EML4: variants seen among roughly 807,000 people sequenced by gnomAD.
EML4 encodes EMAP like 4, also known as echinoderm microtubule-associated protein-like 4.
EML4 carries 72 observed loss-of-function variants against 129.0 expected under a neutral mutation model. That is an observed-to-expected ratio of 0.56 (90% CI 0.46 to 0.68). The LOEUF is 0.68. Ranked by LOEUF, EML4 falls within the 30% of genes least tolerant of loss-of-function variation. The pLI, the probability that EML4 is intolerant of heterozygous loss-of-function variation, is 0.00. For missense variants in EML4, 1,363 were observed against 1,190.6 expected (o/e 1.14, Z -2.13); for synonymous variants, 532 against 405.0 (o/e 1.31, Z -3.77).
At position 42,293,398 on chromosome 2, in the gene EML4, G is replaced by A. The variant is rs553150999; in HGVS notation, c.1219-1727G>A. Among the ~76,000 whole-genome samples the A allele has an allele frequency of 2.8e-4, 43 of 152,272 alleles. 1 individual carries two copies. Among genetic ancestry groups the A allele is most frequent in the South Asian group, 6.2e-4 (3 of 4,830 alleles). On this transcript the variant is annotated intron_variant, in intron 11 of 22. Coordinates refer to ENST00000318522, the MANE Select transcript of EML4 (RefSeq NM_019063.5). ...TTACAGGCATAAGCCACAACACCTG[G>A]CCTAGATTAGATTTTATTAGTTGAA...
chr2:42,284,753 A>T (rs771686238), intron 9 of EML4, 50 bp downstream of exon 9: 1 of 1,363,608 alleles, frequency 7.3e-7, no homozygotes, highest in Non-Finnish European at 1.0e-6. Flanking sequence ...TTGCTGTTAG[A>T]GTGGAATCTA....
intron 6 of EML4, among the ~76,000 whole-genome samples, chr2:42,269,386 C>T (rs1666245384): frequency 6.6e-6 from 1 of 152,152 alleles, no homozygotes; most frequent in South Asian, 2.1e-4. Flanking sequence ...ACATTTTATA[C>T]ATTCATTCAT....
At chr2:42,324,271 G>T (rs1026307684) in intron 19 of EML4, among the ~76,000 whole-genome samples, 1 of 152,040 alleles carries the variant, frequency 6.6e-6, no homozygotes, top group African/African-American at 2.4e-5. Context: ...CTCCAGACTG[G>T]GCAACAGAGA....
chr2:42,209,415 C>T (rs1167081446), intron 1 of EML4, among the ~76,000 whole-genome samples: 1 of 152,128 alleles, frequency 6.6e-6, no homozygotes, highest in Admixed American at 6.5e-5. Context: ...TTAATCCTCA[C>T]AGCAGTCTTG....
At chr2:42,327,597 T>TG (rs1391780321) in intron 21 of EML4, among the ~76,000 whole-genome samples, 1 of 152,200 alleles carries the variant, frequency 6.6e-6, no homozygotes, top group Non-Finnish European at 1.5e-5. Context: ...GATAACTATG[T>TG]GGGGCTTCTT....
At chr2:42,271,706 A>G (rs1009346540) in intron 6 of EML4, among the ~76,000 whole-genome samples, 1 of 150,544 alleles carries the variant, frequency 6.6e-6, no homozygotes, top group East Asian at 1.9e-4. Context: ...TGCTATACAC[A>G]TACTTTTTAA....
chr2:42,223,574 C>T (rs951036989), intron 1 of EML4, among the ~76,000 whole-genome samples: 5 of 152,080 alleles, frequency 3.3e-5, no homozygotes, highest in Admixed American at 2.6e-4. Context: ...TCTTTCTTCT[C>T]CTTGCTTACA....
intron 13 of EML4, 150 bp from the exon 14 acceptor site, chr2:42,301,091 C>T (rs1228309279): frequency 8.2e-6 from 5 of 608,736 alleles, no homozygotes; most frequent in Admixed American, 7.5e-5. Context: ...ACCTGCTTTG[C>T]ACAAAAGACT....
At chr2:42,229,751 T>C (rs1281327781) in intron 1 of EML4, among the ~76,000 whole-genome samples, 1 of 152,088 alleles carries the variant, frequency 6.6e-6, no homozygotes, top group Non-Finnish European at 1.5e-5. Context: ...TCTAGAGTCT[T>C]GGTTGAGGCC....
chr2:42,179,635 C>T (rs1670812044), intron 1 of EML4, among the ~76,000 whole-genome samples: 1 of 152,192 alleles, frequency 6.6e-6, no homozygotes, highest in Admixed American at 6.5e-5. Flanking sequence ...TGGGGTCTCG[C>T]TCTGTCGCCC....
At chr2:42,236,972 TTAGA>T (rs1222961832) in intron 1 of EML4, among the ~76,000 whole-genome samples, 2 of 152,204 alleles carry the variant, frequency 1.3e-5, no homozygotes, top group Non-Finnish European at 2.9e-5. Flanking sequence ...TATGAGGTGT[TTAGA>T]AAGACTGGCA....
At chr2:42,268,692 C>G (rs1014852557) in intron 6 of EML4, among the ~76,000 whole-genome samples, 1 of 152,184 alleles carries the variant, frequency 6.6e-6, no homozygotes, top group African/African-American at 2.4e-5. Context: ...CCCATCTCTA[C>G]CTCCCAAAGC....
At chr2:42,263,051 T>C (rs1665832983) in intron 4 of EML4, 127 bp from the exon 5 acceptor site, 2 of 748,010 alleles carry the variant, frequency 2.7e-6, no homozygotes, top group Non-Finnish European at 4.3e-6. Flanking sequence ...GTCTTTCAAC[T>C]AATCCTTCTC....
intron 1 of EML4, among the ~76,000 whole-genome samples, chr2:42,197,829 C>T (rs1199374344): frequency 6.6e-6 from 1 of 152,138 alleles, no homozygotes; most frequent in Non-Finnish European, 1.5e-5. Context: ...CAGATGTGCT[C>T]CACCTCAAAC....
chr2:42,189,160 A>G (rs923845730), intron 1 of EML4, among the ~76,000 whole-genome samples: 3 of 152,076 alleles, frequency 2.0e-5, no homozygotes, highest in African/African-American at 7.2e-5. Context: ...AGCCACCATG[A>G]CGAACCACGA....
chr2:42,312,914 G>A (rs896287084), intron 17 of EML4, among the ~76,000 whole-genome samples: 1 of 143,480 alleles, frequency 7.0e-6, no homozygotes, highest in South Asian at 2.3e-4. Context: ...CCTTCAAGTT[G>A]TCCTGCCTTT....
chr2:42,244,208 C>T (rs898453407), intron 1 of EML4, among the ~76,000 whole-genome samples: 4 of 149,968 alleles, frequency 2.7e-5, no homozygotes, highest in African/African-American at 4.9e-5. Flanking sequence ...AAGCAATTCT[C>T]CTGCCTCAGC....
chr2:42,280,247 C>T (rs1026550054), intron 6 of EML4, among the ~76,000 whole-genome samples: 3 of 152,150 alleles, frequency 2.0e-5, no homozygotes, highest in Admixed American at 6.5e-5. Flanking sequence ...TCCTGGACTT[C>T]TTGTAGAAAT....
intron 2 of EML4, among the ~76,000 whole-genome samples, chr2:42,247,662 G>T (rs918152166): frequency 6.8e-4 from 104 of 151,940 alleles, no homozygotes; most frequent in Non-Finnish European, 5.9e-4. Flanking sequence ...TTGCTTGCTT[G>T]ATTTATTTAT....
Sources: gnomAD v4.1 joint callset for allele counts (sites outside exome capture counted in the v4.1 genomes callset) on GRCh38, gnomAD v4.1.1 for gene constraint, MANE v1.5 for transcripts, NCBI Gene and HGNC (gene_info 2026-07-23, HGNC 2026-07-21) for gene names.